The following MYBBP1A variants were observed in gnomAD, a reference collection of about 807,000 sequenced individuals.
MYBBP1A encodes myb-binding protein 1A.
Under a neutral mutation model 136.3 loss-of-function variants are expected in MYBBP1A, and 147 were observed. The ratio of observed to expected loss-of-function variants is 1.08; its 90% confidence interval spans 0.94 to 1.24. The LOEUF (loss-of-function observed/expected upper bound fraction) is 1.24, where lower values mean the gene tolerates loss of function less well. Ranked by LOEUF, MYBBP1A falls within the 50% of genes most tolerant of loss-of-function variation. MYBBP1A has a pLI of 0.00. For missense variants in MYBBP1A, 2,060 were observed against 1,727.4 expected, an observed-to-expected ratio of 1.19 and a Z score of -3.41; for synonymous variants, 947 against 735.8, an observed-to-expected ratio of 1.29 and a Z score of -4.65.
chr17:4,552,840 A>T lies in MYBBP1A; in HGVS notation c.562-214T>A, dbSNP rs201104401. On this transcript the variant is annotated intron_variant, in intron 5 of 25. Transcript: ENST00000254718. The surrounding 1 kb of genome is among the most constrained non-coding windows in gnomAD (Gnocchi z 4.7). Reference sequence around the variant, plus strand: ...TGGAGGTACCTGCCCCCCACCCCTTATTTTTTTTTTTTAAGACAGAGTCTC... The same window carrying T: ...TGGAGGTACCTGCCCCCCACCCCTTTTTTTTTTTTTTTAAGACAGAGTCTC... Among the ~76,000 whole-genome samples the T allele has an allele frequency of 3.4e-3, 502 of 147,990 alleles. 4 individuals carry two copies. Among genetic ancestry groups the T allele is most frequent in the African/African-American group, 0.012 (465 of 40,122 alleles).
chr17:4,545,004 C>G, intron 17 of MYBBP1A, 22 bp downstream of exon 17: 2 of 1,467,916 alleles, frequency 1.4e-6, no homozygotes, highest in Non-Finnish European at 1.8e-6. Flanking sequence ...CGGCCGCCCC[C>G]CCCTCCACCT....
chr17:4,539,616 A>G lies in MYBBP1A; in HGVS notation c.3786T>C (p.Asn1262=), dbSNP rs1407784192. 2 of 1,613,514 alleles carry G rather than the reference A, an allele frequency of 1.2e-6. No homozygotes were observed. Among genetic ancestry groups the G allele is most frequent in the Admixed American group, 3.3e-5 (2 of 59,942 alleles). ...GTTCCGTGGGGGACCCGGGAGCTCC[A>G]TTCACCTGGGACGGCTTCTGGTTTT... is the stretch of plus-strand genomic sequence containing the variant. ...QKKNQKPSQV[N]GAPGSPTEPA... The change falls in exon 26 of 26, where the codon AAT becomes AAC. Residue 1262 remains asparagine, a synonymous_variant. Transcript: ENST00000254718.
Position 4,554,915 on chromosome 17 carries a change from T to C in MYBBP1A, c.240A>G (p.Gly80=), listed in dbSNP as rs1407568373. The change falls in exon 2 of 26, where the codon GGA becomes GGG. Residue 80 remains glycine, a synonymous_variant. Coordinates refer to ENST00000254718, the MANE Select transcript of MYBBP1A (RefSeq NM_014520.4). The part of the protein sequence containing the change: ...MKYALKRLIT[G]LGVGRETARP... ...GGGCTGTTTCTCGCCCGACCCCGAG[T>C]CCCGTGATTAGACGCTTCAGGGCAT... 4 of 1,613,100 alleles carry C rather than the reference T, an allele frequency of 2.5e-6. No individual in the cohort carries two copies. The African/African-American group carries it at 5.4e-5, about 22-fold the overall frequency.
chr17:4,541,044 G>A (rs1906370657), intron 24 of MYBBP1A, among the ~76,000 whole-genome samples: 1 of 151,870 alleles, frequency 6.6e-6, no homozygotes, highest in Non-Finnish European at 1.5e-5. Flanking sequence ...GCCAGACCGG[G>A]GGACCCAGAT....
chr17:4,549,813 C>T (rs1364811961), intron 9 of MYBBP1A, among the ~76,000 whole-genome samples: 1 of 144,426 alleles, frequency 6.9e-6, no homozygotes, highest in African/African-American at 2.7e-5. Context: ...AAAAAAAGAA[C>T]CAGCAAAAAC....
At position 4,543,138 on chromosome 17, in the gene MYBBP1A, G is replaced by A. The variant is rs368796178; in HGVS notation, c.2667C>T (p.Tyr889=). Residue 889 remains tyrosine, a synonymous_variant, in exon 20 of 26, where the codon TAC becomes TAT. Transcript: ENST00000254718. ...CTGCGCGCTCACCCAAGTCGTGGCA[G>A]TAGCGCCGGGCACGGCACAGGTGGT... is the stretch of plus-strand genomic sequence containing the variant. ...FTHHLCRARR[Y]CHDLGERAGA... is the part of the protein sequence containing the mutation. The A allele has an allele frequency of 1.2e-6, 2 of 1,609,958 alleles. No individual in the cohort carries two copies. The highest frequency in any genetic ancestry group is 1.7e-6 in the Non-Finnish European group (2 of 1,178,408).
rs531678286 is a variant in MYBBP1A, at chr17:4,541,768, G to GC, written c.3195+15dup. 5.8e-5 allele frequency: 93 copies of GC among 1,604,564 alleles called. No homozygotes were observed. In the South Asian group the frequency reaches 7.6e-4, roughly 13 times the overall value. On this transcript the variant is annotated intron_variant, in intron 23 of 25. Transcript: ENST00000254718. ...GATTCTGAGGGGGTGGGGAAAGGGC[G>GC]CCCCCCGGCTGTTACCTCGGTGACC...
chr17:4,549,572 T>C, intron 9 of MYBBP1A, 130 bp from the exon 10 acceptor site: 1 of 706,838 alleles, frequency 1.4e-6, no homozygotes, highest in South Asian at 1.7e-5. Flanking sequence ...AGGTCAGGAG[T>C]TCGAGACCAG....
At chr17:4,540,537 G>T in intron 24 of MYBBP1A, 53 bp from the exon 25 acceptor site, 1 of 1,520,674 alleles carries the variant, frequency 6.6e-7, no homozygotes, top group Non-Finnish European at 8.8e-7. Flanking sequence ...GGGGCCTCTC[G>T]CGGGCTCCCA....
chr17:4,548,266 TG>T lies in MYBBP1A; in HGVS notation c.1600del (p.Gln534ArgfsTer20). On this transcript the variant is annotated frameshift_variant, in exon 12 of 26. Transcript: ENST00000254718. LOFTEE classifies it high-confidence loss of function. This position sits in a 1 kb window ranked among gnomAD's most constrained non-coding sequence, Gnocchi z 4.2. ...LSTQFKQAPG[Q>X]TQGGQPWTYH... ...GGTCCAGGGCTGCCCACCCTGGGTC[TG>T]GCCCGGTGCCTGCTTGAACTGCGTG... 2 of 1,612,518 alleles carry T rather than the reference TG, an allele frequency of 1.2e-6. No homozygotes were observed. Among genetic ancestry groups the T allele is most frequent in the Non-Finnish European group, 1.7e-6 (2 of 1,180,006 alleles).
chr17:4,552,541 T>C lies in MYBBP1A; in HGVS notation c.647A>G (p.Glu216Gly). 1 of 1,614,050 alleles carries C rather than the reference T, an allele frequency of 6.2e-7. No individual in the cohort carries two copies. Among genetic ancestry groups the C allele is most frequent in the South Asian group, 1.1e-5 (1 of 91,080 alleles). Residue 216 changes from glutamate (E) to glycine (G), a missense_variant, in exon 6 of 26, where the codon GAG becomes GGG. Transcript: ENST00000254718. The surrounding 1 kb of genome is among the most constrained non-coding windows in gnomAD (Gnocchi z 4.7). ...CTTCTGCTGGGCCAGGAGGAAGAGC[T>C]CTAGCTGTTCAGGGGAGCTGAGTAT... ...NIILSSPEQL[E>G]LFLLAQQKVP...
At position 4,550,063 on chromosome 17, in the gene MYBBP1A, G is replaced by A. The variant is rs1004825432; in HGVS notation, c.1314C>T (p.Leu438=). Residue 438 remains leucine, a synonymous_variant, in exon 9 of 26, where the codon CTC becomes CTT. Transcript: ENST00000254718. ...NNQKKAQDSS[L]HMPERAVFRL... is the part of the protein sequence containing the mutation. The stretch of plus-strand genomic sequence containing the variant: ...CTCCCCCAAGGTCCACTCACATGTG[G>A]AGCGATGAATCCTGGGCTTTCTTCT... 6 of 1,610,540 alleles carry A rather than the reference G, an allele frequency of 3.7e-6. No homozygotes were observed. In the African/African-American group the frequency reaches 6.7e-5, roughly 18 times the overall value.
chr17:4,548,317 A>C lies in MYBBP1A; in HGVS notation c.1557-7T>G, dbSNP rs909186238. 20 of 1,611,418 alleles carry C rather than the reference A, an allele frequency of 1.2e-5. No individual in the cohort carries two copies. In the African/African-American group the frequency reaches 2.7e-4, roughly 22 times the overall value. Reference sequence around the variant, plus strand: ...GCTGAGGGTCTGCAACAGACTGGGCAAGGGATGGGGCTTGGGGTCAGCAGA... The same window carrying C: ...GCTGAGGGTCTGCAACAGACTGGGCCAGGGATGGGGCTTGGGGTCAGCAGA... On this transcript the variant is annotated splice_polypyrimidine_tract_variant and splice_region_variant and intron_variant, in intron 11 of 25. Coordinates refer to ENST00000254718, the MANE Select transcript of MYBBP1A (RefSeq NM_014520.4). This position sits in a 1 kb window ranked among gnomAD's most constrained non-coding sequence, Gnocchi z 4.2.
chr17:4,548,631 C>T lies in MYBBP1A; in HGVS notation c.1449G>A (p.Ser483=), dbSNP rs200110177. The T allele has an allele frequency of 7.4e-6, 12 of 1,613,994 alleles. No individual in the cohort carries two copies. The highest frequency in any genetic ancestry group is 2.2e-5 in the East Asian group (1 of 44,892). ...ATGTGGGCTTCTTTGTGACAAAGAACGAGTGGAACAAACAAAACCTGGGGA... is the reference window on the plus strand; with the variant it reads ...ATGTGGGCTTCTTTGTGACAAAGAATGAGTGGAACAAACAAAACCTGGGGA... ...EQVARFCLFH[S]FFVTKKPTSQ... The change falls in exon 11 of 26, where the codon TCG becomes TCA. Residue 483 remains serine, a synonymous_variant. Transcript: ENST00000254718. This position sits in a 1 kb window ranked among gnomAD's most constrained non-coding sequence, Gnocchi z 4.2.
intron 5 of MYBBP1A, among the ~76,000 whole-genome samples, chr17:4,553,051 A>C (rs1907677253): frequency 6.6e-6 from 1 of 152,096 alleles, no homozygotes. Flanking sequence ...TGAACTCCTG[A>C]CCTCAAGTGA....
intron 13 of MYBBP1A, among the ~76,000 whole-genome samples, chr17:4,546,665 G>A (rs1377135908): frequency 6.6e-6 from 1 of 152,222 alleles, no homozygotes; most frequent in Non-Finnish European, 1.5e-5. Flanking sequence ...TAATTACATT[G>A]AACTCATCTG....
Position 4,553,926 on chromosome 17 carries a change from CACAGAGGG to C in MYBBP1A, c.454-17_454-10del, listed in dbSNP as rs1907769860. 7 of 1,613,896 alleles carry C rather than the reference CACAGAGGG, an allele frequency of 4.3e-6. No individual in the cohort carries two copies. The highest frequency in any genetic ancestry group is 1.7e-5 in the Admixed American group (1 of 59,998). ...ATCAGTGCCTCCTGGTCCTGGTCCCCACAGAGGGACAGAGGGTATGAGCAGGGCACACG... is the reference window on the plus strand; with the variant it reads ...ATCAGTGCCTCCTGGTCCTGGTCCCCACAGAGGGTATGAGCAGGGCACACG... On this transcript the variant is annotated splice_polypyrimidine_tract_variant and intron_variant, in intron 4 of 25. Coordinates refer to ENST00000254718, the MANE Select transcript of MYBBP1A (RefSeq NM_014520.4).
At chr17:4,546,173 C>T (rs1002881544) in intron 13 of MYBBP1A, among the ~76,000 whole-genome samples, 5 of 152,352 alleles carry the variant, frequency 3.3e-5, no homozygotes, top group South Asian at 2.1e-4. Flanking sequence ...GGCTGGAGTA[C>T]AGTGGTCTGA....
In MYBBP1A at chr17:4,539,406, T is replaced by A; in HGVS notation, c.*9A>T. ...GGAGGCAGGGGCTGAGGGGGGCCCGTACCTGTGCTCAGGGCTTCCCTGCCT... is the reference window on the plus strand; with the variant it reads ...GGAGGCAGGGGCTGAGGGGGGCCCGAACCTGTGCTCAGGGCTTCCCTGCCT... On this transcript the variant is annotated 3_prime_UTR_variant, in exon 26 of 26. Coordinates refer to ENST00000254718, the MANE Select transcript of MYBBP1A (RefSeq NM_014520.4). 1 of 1,601,574 alleles carries A rather than the reference T, an allele frequency of 6.2e-7. No homozygotes were observed. Among genetic ancestry groups the A allele is most frequent in the Non-Finnish European group, 8.5e-7 (1 of 1,171,656 alleles).
Sources: allele counts gnomAD v4.1 joint callset (sites outside exome capture counted in the v4.1 genomes callset), GRCh38; gene constraint gnomAD v4.1.1; non-coding constraint Gnocchi (gnomAD v3.1); transcripts MANE v1.5; gene names NCBI Gene and HGNC (gene_info 2026-07-23, HGNC 2026-07-21).